Variants in NCEH1 observed in about 807,000 individuals in gnomAD.
The protein encoded by NCEH1 is 2-acetyl MAGE hydrolase.
Under a neutral mutation model 25.4 loss-of-function variants are expected in NCEH1, and 9 were observed. That is an observed-to-expected ratio of 0.35 (90% CI 0.21 to 0.62). NCEH1 has a LOEUF of 0.62. NCEH1 is among the 20% of genes least tolerant of loss of function. NCEH1 has a pLI of 0.72. For missense variants in NCEH1, 412 were observed against 501.1 expected, an observed-to-expected ratio of 0.82 and a Z score of 1.70; for synonymous variants, 200 against 199.8, an observed-to-expected ratio of 1.00 and a Z score of -0.01.
At chr3:172,708,923 TG>T (rs1216632955) in intron 1 of NCEH1, among the ~76,000 whole-genome samples, 3 of 152,236 alleles carry the variant, frequency 2.0e-5, no homozygotes, top group Admixed American at 1.3e-4. Flanking sequence ...ACTGGAAAAT[TG>T]CTTTATTGGG....
intron 1 of NCEH1, among the ~76,000 whole-genome samples, chr3:172,709,415 A>G (rs1227813319): frequency 6.6e-6 from 1 of 152,064 alleles, no homozygotes; most frequent in African/African-American, 2.4e-5. Context: ...ATGGGGGAGG[A>G]GAGGGAATGC....
At chr3:172,640,157 C>A (rs1185167697) in intron 3 of NCEH1, among the ~76,000 whole-genome samples, 1 of 152,192 alleles carries the variant, frequency 6.6e-6, no homozygotes, top group African/African-American at 2.4e-5. Flanking sequence ...GTGAAAGATA[C>A]ATGCGGCATT....
chr3:172,703,463 G>A (rs1013658607), intron 1 of NCEH1, among the ~76,000 whole-genome samples: 2 of 148,758 alleles, frequency 1.3e-5, no homozygotes, highest in South Asian at 4.2e-4. Context: ...GGGAGGCGGA[G>A]GTTGCAGTGA....
At chr3:172,641,858 A>G (rs369205938) in intron 3 of NCEH1, among the ~76,000 whole-genome samples, 2 of 152,168 alleles carry the variant, frequency 1.3e-5, no homozygotes, top group Admixed American at 1.3e-4. Flanking sequence ...TCATCCAAAC[A>G]TCACTTTCTT....
chr3:172,636,151 A>G (rs1344643611), intron 3 of NCEH1, 64 bp from the exon 4 acceptor site: 1 of 1,093,832 alleles, frequency 9.1e-7, no homozygotes. Flanking sequence ...TTTAAAGTTT[A>G]GATGGAAACT....
At position 172,642,661 on chromosome 3, in the gene NCEH1, C is replaced by T. The variant is rs536174033; in HGVS notation, c.437+2962G>A. Among the ~76,000 whole-genome samples, 215 of 148,334 alleles carry T rather than the reference C, an allele frequency of 1.4e-3. 1 individual carries two copies. The highest frequency in any genetic ancestry group is 7.0e-3 in the Middle Eastern group (2 of 284). On this transcript the variant is annotated intron_variant, in intron 3 of 4. Coordinates refer to ENST00000475381, the MANE Select transcript of NCEH1 (RefSeq NM_020792.6). ...AAAAGTACTGTGAGTTCCAAACATG[C>T]TGATAAATAAACGTGTAAGTTGTCC...
chr3:172,641,571 G>A (rs895737317), intron 3 of NCEH1, among the ~76,000 whole-genome samples: 1 of 152,136 alleles, frequency 6.6e-6, no homozygotes, highest in African/African-American at 2.4e-5. Flanking sequence ...CACTCTAGAG[G>A]GCCTCAAGGC....
At chr3:172,670,350 G>T (rs541772160) in intron 1 of NCEH1, among the ~76,000 whole-genome samples, 2 of 152,206 alleles carry the variant, frequency 1.3e-5, no homozygotes, top group Non-Finnish European at 2.9e-5. Context: ...AACAATGAAA[G>T]AAAAAAGTTA....
At chr3:172,649,781 A>G (rs1717309243) in intron 1 of NCEH1, among the ~76,000 whole-genome samples, 1 of 152,260 alleles carries the variant, frequency 6.6e-6, no homozygotes, top group Non-Finnish European at 1.5e-5. Context: ...TGCAAGCTCC[A>G]TTCCACTTGT....
At chr3:172,649,218 T>C (rs769109335) in intron 1 of NCEH1, among the ~76,000 whole-genome samples, 1 of 152,118 alleles carries the variant, frequency 6.6e-6, no homozygotes, top group Non-Finnish European at 1.5e-5. Flanking sequence ...TGTGTGTGTA[T>C]ATTTTATATA....
chr3:172,669,028 G>C (rs546072951), intron 1 of NCEH1, among the ~76,000 whole-genome samples: 13 of 152,086 alleles, frequency 8.5e-5, no homozygotes, highest in African/African-American at 3.1e-4. Context: ...ATACAAAAGA[G>C]TAGTTTCTTC....
At chr3:172,697,467 G>C (rs1023859286) in intron 1 of NCEH1, among the ~76,000 whole-genome samples, 1 of 151,912 alleles carries the variant, frequency 6.6e-6, no homozygotes, top group Non-Finnish European at 1.5e-5. Flanking sequence ...TTCATCTATA[G>C]AATCTTGCTG....
chr3:172,651,250 C>G (rs756264732), intron 1 of NCEH1, among the ~76,000 whole-genome samples: 2 of 152,038 alleles, frequency 1.3e-5, no homozygotes, highest in African/African-American at 4.8e-5. Flanking sequence ...ACAGAATTGC[C>G]TAGAAATGCT....
Position 172,633,469 on chromosome 3 carries a change from G to A in NCEH1, c.*6C>T. 1 of 1,608,298 alleles carries A rather than the reference G, an allele frequency of 6.2e-7. No individual in the cohort carries two copies. The highest frequency in any genetic ancestry group is 8.5e-7 in the Non-Finnish European group (1 of 1,176,250). On this transcript the variant is annotated 3_prime_UTR_variant, in exon 5 of 5. Coordinates refer to ENST00000475381, the MANE Select transcript of NCEH1 (RefSeq NM_020792.6). ...GGGGCTCGAGGCTTCTGGAAGTTTT[G>A]CTCCTTTACAGGTTTTGATCTAGCC... is the stretch of plus-strand genomic sequence containing the variant.
chr3:172,690,053 G>A (rs1023388806), intron 1 of NCEH1, among the ~76,000 whole-genome samples: 33 of 151,500 alleles, frequency 2.2e-4, no homozygotes, highest in African/African-American at 7.5e-4. Flanking sequence ...ACAGGCGCCC[G>A]CCACCATGCC....
chr3:172,644,080 G>A (rs924264712), intron 3 of NCEH1, among the ~76,000 whole-genome samples: 1 of 151,554 alleles, frequency 6.6e-6, no homozygotes, highest in African/African-American at 2.4e-5. Context: ...TGGACTCTAG[G>A]GCTTTTGGGT....
intron 1 of NCEH1, among the ~76,000 whole-genome samples, chr3:172,709,000 A>C (rs1172292020): frequency 6.6e-6 from 1 of 152,208 alleles, no homozygotes; most frequent in Non-Finnish European, 1.5e-5. Context: ...GAGAAGTGAT[A>C]AGAGCCATTT....
At chr3:172,636,307 G>C in intron 3 of NCEH1, 1 of 333,700 alleles carries the variant, frequency 3.0e-6, no homozygotes, top group Non-Finnish European at 5.4e-6. Context: ...ATTAGTAATA[G>C]TACTATTTTT....
intron 1 of NCEH1, among the ~76,000 whole-genome samples, chr3:172,649,259 T>C (rs233999): frequency 0.23 from 34,590 of 150,304 alleles, 4,114 homozygotes; most frequent in Admixed American, 0.26. Context: ...CACACACACA[T>C]ATATATATGT....
Sources: allele counts gnomAD v4.1 joint callset (sites outside exome capture counted in the v4.1 genomes callset), GRCh38; gene constraint gnomAD v4.1.1; transcripts MANE v1.5; gene names NCBI Gene and HGNC (gene_info 2026-07-23, HGNC 2026-07-21).